Variants in WWP1 observed in about 807,000 individuals in gnomAD.
The protein encoded by WWP1 is WW domain containing E3 ubiquitin protein ligase 1.
A neutral mutation model predicts 130.6 loss-of-function variants in WWP1; 49 were observed. The ratio of observed to expected loss-of-function variants is 0.38; its 90% CI spans 0.30 to 0.48. WWP1 has a LOEUF of 0.48. Ranked by LOEUF, WWP1 falls within the 20% of genes least tolerant of loss-of-function variation. The pLI is 0.99. For synonymous variants in WWP1, 332 were observed against 367.8 expected (o/e 0.90, Z 1.11); for missense variants, 809 against 1,100.6 (o/e 0.74, Z 3.75).
At chr8:86,380,010 T>C (rs1342116189) in intron 3 of WWP1, among the ~76,000 whole-genome samples, 3 of 152,222 alleles carry the variant, frequency 2.0e-5, no homozygotes, top group Non-Finnish European at 2.9e-5. Flanking sequence ...CTCCAAAGTA[T>C]ATGCCCAAGA....
chr8:86,375,149 A>G (rs1362926362), intron 3 of WWP1, among the ~76,000 whole-genome samples: 1 of 152,242 alleles, frequency 6.6e-6, no homozygotes, highest in African/African-American at 2.4e-5. Flanking sequence ...AAAATTACCA[A>G]AAACAATAGG....
At position 86,345,111 on chromosome 8, in the gene WWP1, G is replaced by A. The variant is rs544487119; in HGVS notation, c.-115+2181G>A. ...GATCTGAGCTGTGGTGCACGCGAAT[G>A]GAAAGGAAGAAAGGAAGTCGAATAG... On this transcript the variant is annotated intron_variant, in intron 1 of 24. Coordinates refer to ENST00000517970, the MANE Select transcript of WWP1 (RefSeq NM_007013.4). 4.6e-5 allele frequency among the ~76,000 whole-genome samples: 7 copies of A among 152,218 alleles called. No individual in the cohort carries two copies. The South Asian group carries it at 1.2e-3, about 27-fold the overall frequency.
intron 9 of WWP1, among the ~76,000 whole-genome samples, chr8:86,422,289 C>G (rs1164722939): frequency 6.6e-6 from 1 of 151,226 alleles, no homozygotes; most frequent in East Asian, 1.9e-4. Flanking sequence ...AAATTGAAAA[C>G]TAGTGTCTTA....
At position 86,448,370 on chromosome 8, in the gene WWP1, C is replaced by G; in HGVS notation, c.2133-3C>G. ...TTAGTGTATATATATTTATTTCACC[C>G]AGAGATAACAACATTGAAGAATGTG... On this transcript the variant is annotated splice_region_variant and splice_polypyrimidine_tract_variant and intron_variant, in intron 19 of 24. Coordinates refer to ENST00000517970, the MANE Select transcript of WWP1 (RefSeq NM_007013.4). 6.2e-7 allele frequency: 1 copy of G among 1,608,416 alleles called. No individual in the cohort carries two copies. Among genetic ancestry groups the G allele is most frequent in the Non-Finnish European group, 8.5e-7 (1 of 1,178,378 alleles).
chr8:86,455,590 T>G (rs973346996), intron 21 of WWP1, among the ~76,000 whole-genome samples: 15 of 151,900 alleles, frequency 9.9e-5, no homozygotes, highest in Admixed American at 8.5e-4. Context: ...ATGAGCAAAT[T>G]TAACCAAAAA....
intron 11 of WWP1, among the ~76,000 whole-genome samples, chr8:86,428,696 T>A (rs911683847): frequency 2.0e-5 from 3 of 152,148 alleles, no homozygotes; most frequent in Non-Finnish European, 4.4e-5. Flanking sequence ...CTAGTTTCCA[T>A]AGCGTTTCCT....
At chr8:86,424,410 G>A (rs1280728277) in intron 9 of WWP1, among the ~76,000 whole-genome samples, 1 of 152,054 alleles carries the variant, frequency 6.6e-6, no homozygotes, top group Non-Finnish European at 1.5e-5. Context: ...GGTGGCGGCC[G>A]GGCAGAGGCT....
intron 1 of WWP1, among the ~76,000 whole-genome samples, chr8:86,363,662 T>A (rs1314556136): frequency 2.0e-5 from 3 of 151,526 alleles, no homozygotes; most frequent in Non-Finnish European, 4.4e-5. Flanking sequence ...ATTAGCCGGG[T>A]GTGGGCACCT....
intron 8 of WWP1, among the ~76,000 whole-genome samples, chr8:86,404,358 T>C (rs1808158724): frequency 6.6e-6 from 1 of 152,162 alleles, no homozygotes; most frequent in Non-Finnish European, 1.5e-5. Flanking sequence ...ACTAATTAGT[T>C]GTATGTTTTG....
chr8:86,370,658 C>G (rs1345601566), intron 2 of WWP1, among the ~76,000 whole-genome samples: 1 of 152,000 alleles, frequency 6.6e-6, no homozygotes, highest in Non-Finnish European at 1.5e-5. Context: ...TCATGATAAC[C>G]ATCAAAATAA....
At chr8:86,365,490 T>C (rs111972924) in intron 1 of WWP1, among the ~76,000 whole-genome samples, 269 of 152,316 alleles carry the variant, frequency 1.8e-3, no homozygotes, top group African/African-American at 6.3e-3. Context: ...GTTTATTTGT[T>C]ATTTGTCTGG....
intron 1 of WWP1, among the ~76,000 whole-genome samples, chr8:86,360,725 A>G (rs1743149572): frequency 6.6e-6 from 1 of 152,214 alleles, no homozygotes; most frequent in Non-Finnish European, 1.5e-5. Context: ...CTCTGTCCTC[A>G]GGGATCTTAC....
chr8:86,352,450 C>A (rs1012011784), intron 1 of WWP1, among the ~76,000 whole-genome samples: 1 of 152,062 alleles, frequency 6.6e-6, no homozygotes, highest in South Asian at 2.1e-4. Flanking sequence ...GTCTCGAACT[C>A]CTGGCCTCAA....
rs544782029 is a variant in WWP1, at chr8:86,457,982, G to A, written c.2456G>A (p.Arg819Gln). The A allele has an allele frequency of 1.2e-6, 2 of 1,612,658 alleles. No homozygotes were observed. Among genetic ancestry groups the A allele is most frequent in the Admixed American group, 1.7e-5 (1 of 60,002 alleles). ...LADWQRNTVY[R>Q]HYTRNSKQII... ...GATTGGCAGAGAAATACTGTTTATC[G>A]ACATTATACAAGAAACAGCAAGCAA... Residue 819 changes from arginine to glutamine, a missense_variant, in exon 22 of 25, where the codon CGA becomes CAA. Arg to Gln is a conservative substitution (Grantham distance 43). Around this residue, in one of 3 missense-constraint regions of WWP1, gnomAD observed 450 missense variants for 674.2 expected, o/e 0.67. Coordinates refer to ENST00000517970, the MANE Select transcript of WWP1 (RefSeq NM_007013.4).
intron 2 of WWP1, among the ~76,000 whole-genome samples, chr8:86,372,173 G>A (rs1054326806): frequency 6.6e-5 from 10 of 151,324 alleles, no homozygotes; most frequent in East Asian, 1.9e-4. Flanking sequence ...ACAGGCGCGC[G>A]CCACCATGCC....
intron 8 of WWP1, among the ~76,000 whole-genome samples, chr8:86,409,988 T>G (rs1258541267): frequency 6.6e-6 from 1 of 152,234 alleles, no homozygotes; most frequent in African/African-American, 2.4e-5. Flanking sequence ...AAGATTTTCT[T>G]GAATGCTTTT....
chr8:86,423,647 C>T (rs2130632692), intron 9 of WWP1, among the ~76,000 whole-genome samples: 1 of 152,326 alleles, frequency 6.6e-6, no homozygotes. Flanking sequence ...CAGCAACAAT[C>T]TGATTTCTCT....
intron 21 of WWP1, among the ~76,000 whole-genome samples, chr8:86,455,109 C>T (rs915311331): frequency 2.6e-5 from 4 of 151,958 alleles, no homozygotes; most frequent in African/African-American, 9.7e-5. Context: ...CTGTTTAATG[C>T]TTAAGAAGAT....
Position 86,344,858 on chromosome 8 carries a change from C to G in WWP1, c.-115+1928C>G, listed in dbSNP as rs139726299. On this transcript the variant is annotated intron_variant, in intron 1 of 24. Coordinates refer to ENST00000517970, the MANE Select transcript of WWP1 (RefSeq NM_007013.4). ...TGTACCAGGATAAAGGGTGATAAAA[C>G]TTGAAGTAAAAATTTGGACCAGTTT... Among the ~76,000 whole-genome samples the G allele has an allele frequency of 1.7e-3, 262 of 152,282 alleles. 1 individual carries two copies. The highest frequency in any genetic ancestry group is 5.9e-3 in the African/African-American group (246 of 41,564).
Sources: gnomAD v4.1 joint callset for allele counts (sites outside exome capture counted in the v4.1 genomes callset) on GRCh38, gnomAD v4.1.1 for gene constraint, gnomAD v4.1.1 regional missense constraint, MANE v1.5 for transcripts, NCBI Gene and HGNC (gene_info 2026-07-23, HGNC 2026-07-21) for gene names.